NBAS: variants seen among roughly 807,000 people sequenced by gnomAD.
NBAS encodes the protein NBAS subunit of NRZ tethering complex.
Under a neutral mutation model 302.5 loss-of-function variants are expected in NBAS, and 219 were observed. That is an observed-to-expected ratio of 0.72 (90% confidence interval 0.65 to 0.81). The LOEUF (loss-of-function observed/expected upper bound fraction) is 0.81. Among genes scored for constraint, NBAS ranks in the 30% least tolerant of loss-of-function variants. The pLI, the probability that NBAS is intolerant of heterozygous loss-of-function variation, is 0.00. For synonymous variants in NBAS, 1,118 were observed against 1,021.6 expected (o/e 1.09, Z -1.80); for missense variants, 2,932 against 2,841.6 (o/e 1.03, Z -0.72).
chr2:14,882,548 C>T, the NBAS span, among the ~76,000 whole-genome samples: 1 of 152,164 alleles, frequency 6.6e-6, no homozygotes, highest in Non-Finnish European at 1.5e-5. Context: ...TGCATTTTCA[C>T]ACTGCCAGCT....
At chr2:15,023,197 C>T in the NBAS span, among the ~76,000 whole-genome samples, 1 of 152,162 alleles carries the variant, frequency 6.6e-6, no homozygotes, top group Non-Finnish European at 1.5e-5. Context: ...ATGCTTTTCT[C>T]ATTCAATAAT....
At chr2:15,369,812 C>A (rs555041031) in intron 31 of NBAS, among the ~76,000 whole-genome samples, 1 of 152,084 alleles carries the variant, frequency 6.6e-6, no homozygotes, top group East Asian at 1.9e-4. Flanking sequence ...ATAAAACACA[C>A]GTATACACAC....
the NBAS span, among the ~76,000 whole-genome samples, chr2:14,835,859 T>C: frequency 3.3e-5 from 5 of 151,986 alleles, no homozygotes; most frequent in Non-Finnish European, 7.4e-5. Flanking sequence ...AAAGATTGCA[T>C]AGAATCCTCA....
chr2:14,855,748 CG>C, the NBAS span, among the ~76,000 whole-genome samples: 1 of 152,050 alleles, frequency 6.6e-6, no homozygotes, highest in Admixed American at 6.6e-5. Flanking sequence ...AGGTCAGGCA[CG>C]ATACAATAGA....
chr2:15,188,320 G>T (rs34314139), intron 49 of NBAS, among the ~76,000 whole-genome samples: 2 of 152,128 alleles, frequency 1.3e-5, no homozygotes, highest in African/African-American at 2.4e-5. Flanking sequence ...TTGTGTTGAT[G>T]GGCAACATAC....
At chr2:15,497,832 C>T (rs1378606672) in intron 11 of NBAS, among the ~76,000 whole-genome samples, 2 of 152,142 alleles carry the variant, frequency 1.3e-5, no homozygotes, top group African/African-American at 2.4e-5. Flanking sequence ...CTCCTAGTAA[C>T]ACCTATGAGT....
At chr2:15,255,884 T>C (rs1668569343) in intron 44 of NBAS, among the ~76,000 whole-genome samples, 1 of 152,196 alleles carries the variant, frequency 6.6e-6, no homozygotes, top group African/African-American at 2.4e-5. Flanking sequence ...GTTTCTGGGT[T>C]ATCCATTCTG....
the NBAS span, among the ~76,000 whole-genome samples, chr2:14,848,150 A>G: frequency 3.9e-5 from 6 of 152,066 alleles, no homozygotes; most frequent in South Asian, 6.2e-4. Context: ...TGATTTCTGC[A>G]TTTCCATCTG....
the NBAS span, among the ~76,000 whole-genome samples, chr2:15,098,669 T>TTATATTA: frequency 8.8e-6 from 1 of 114,104 alleles, no homozygotes; most frequent in Non-Finnish European, 1.8e-5. Context: ...ATTATATACA[T>TTATATTA]TATATTATAT....
chr2:14,970,620 C>T, the NBAS span, among the ~76,000 whole-genome samples: 2 of 152,196 alleles, frequency 1.3e-5, no homozygotes, highest in African/African-American at 4.8e-5. Flanking sequence ...TCTCTTGGAT[C>T]TGCATTAGAG....
the NBAS span, among the ~76,000 whole-genome samples, chr2:15,125,681 C>T: frequency 6.6e-6 from 1 of 152,196 alleles, no homozygotes; most frequent in Non-Finnish European, 1.5e-5. Flanking sequence ...ACGTTTCAGA[C>T]TTGGGTTGGG....
At chr2:15,466,486 T>C (rs990234866) in intron 19 of NBAS, among the ~76,000 whole-genome samples, 5 of 152,178 alleles carry the variant, frequency 3.3e-5, no homozygotes, top group Non-Finnish European at 5.9e-5. Flanking sequence ...AAGTTGGTCT[T>C]AAACTACAGA....
the NBAS span, among the ~76,000 whole-genome samples, chr2:15,138,055 A>C: frequency 6.6e-6 from 1 of 152,314 alleles, no homozygotes; most frequent in East Asian, 1.9e-4. Flanking sequence ...CGAGAATCAC[A>C]GAATGGTCCA....
the NBAS span, among the ~76,000 whole-genome samples, chr2:14,807,790 G>C: frequency 5.9e-5 from 9 of 152,050 alleles, no homozygotes; most frequent in African/African-American, 2.2e-4. Flanking sequence ...CTAAGACTTG[G>C]CTTTTCTAGA....
chr2:14,909,366 T>TAAAAAAAAAAAAAAAAAAAAAAAAAAA, the NBAS span, among the ~76,000 whole-genome samples: 4 of 78,572 alleles, frequency 5.1e-5, no homozygotes, highest in African/African-American at 2.2e-4. Context: ...GGAGAGTTTC[T>TAAAAAAAAAAAAAAAAAAAAAAAAAAA]AAAAAAAAAA....
the NBAS span, among the ~76,000 whole-genome samples, chr2:15,059,978 AAAAAAAAAAC>A: frequency 1.5e-5 from 2 of 137,756 alleles, no homozygotes; most frequent in African/African-American, 5.6e-5. Context: ...AAAAAAAACA[AAAAAAAAAAC>A]ACTCCACGTA....
At chr2:15,136,161 C>G in the NBAS span, among the ~76,000 whole-genome samples, 1 of 152,222 alleles carries the variant, frequency 6.6e-6, no homozygotes, top group Admixed American at 6.5e-5. Flanking sequence ...CAGGAAGATT[C>G]TTGTCTCTCT....
the NBAS span, among the ~76,000 whole-genome samples, chr2:14,914,808 G>C: frequency 2.0e-5 from 3 of 152,202 alleles, no homozygotes; most frequent in Admixed American, 2.0e-4. Flanking sequence ...ATTTTAAGGA[G>C]ATGATCATGT....
chr2:15,143,418 C>A, the NBAS span, among the ~76,000 whole-genome samples: 1 of 152,168 alleles, frequency 6.6e-6, no homozygotes, highest in Non-Finnish European at 1.5e-5. Context: ...CAGTTTTGAT[C>A]CTGAGGCCCT....
Sources: allele counts gnomAD v4.1 joint callset (sites outside exome capture counted in the v4.1 genomes callset), GRCh38; gene constraint gnomAD v4.1.1; transcripts MANE v1.5; gene names NCBI Gene and HGNC (gene_info 2026-07-23, HGNC 2026-07-21).